The following UST variants were observed in gnomAD, a reference collection of about 807,000 sequenced individuals.
The protein encoded by UST is uronyl 2-sulfotransferase, also known as chondroitin sulfate 2-O-sulfotransferase.
In UST, 21 loss-of-function variants were observed where a neutral mutation model predicts 45.6. The observed-to-expected ratio is 0.46, with a 90% confidence interval of 0.33 to 0.66. The LOEUF is 0.66. UST is among the 30% of genes least tolerant of loss of function. The pLI, the probability that UST is intolerant of heterozygous loss-of-function variation, is 0.02. For synonymous variants in UST, 215 were observed against 200.6 expected (o/e 1.07, Z -0.61); for missense variants, 463 against 512.4 (o/e 0.90, Z 0.93).
intron 2 of UST, among the ~76,000 whole-genome samples, chr6:148,926,067 C>T (rs985058006): frequency 3.3e-5 from 5 of 152,280 alleles, no homozygotes; most frequent in African/African-American, 2.4e-5. Context: ...TTATAAACTA[C>T]CCCCAGAAAT....
chr6:149,040,717 C>T (rs1456013149), intron 7 of UST, among the ~76,000 whole-genome samples: 1 of 152,116 alleles, frequency 6.6e-6, no homozygotes, highest in Non-Finnish European at 1.5e-5. Context: ...CAGTGAAAGA[C>T]CTGCGATTCA....
chr6:148,849,114 C>T (rs947252426), intron 1 of UST, among the ~76,000 whole-genome samples: 6 of 152,234 alleles, frequency 3.9e-5, no homozygotes, highest in African/African-American at 1.2e-4. Context: ...GGTGCCTGCT[C>T]TTGTTGAGGG....
chr6:149,025,856 C>T (rs964091296), intron 7 of UST, among the ~76,000 whole-genome samples: 4 of 145,962 alleles, frequency 2.7e-5, no homozygotes, highest in Non-Finnish European at 6.1e-5. Context: ...ACTAAAAATA[C>T]AAAAAAAAAA....
At chr6:148,796,686 A>G (rs2114710669) in intron 1 of UST, among the ~76,000 whole-genome samples, 1 of 151,416 alleles carries the variant, frequency 6.6e-6, no homozygotes, top group Non-Finnish European at 1.5e-5. Context: ...TGAAGTGAAA[A>G]ACTGATACCC....
At chr6:149,000,387 G>A (rs768747376) in intron 5 of UST, among the ~76,000 whole-genome samples, 5 of 152,138 alleles carry the variant, frequency 3.3e-5, no homozygotes, top group Non-Finnish European at 7.4e-5. Context: ...CTGGACTCAG[G>A]ACCCGGGAGT....
chr6:149,021,104 A>G (rs1775971237), intron 6 of UST, among the ~76,000 whole-genome samples: 1 of 152,098 alleles, frequency 6.6e-6, no homozygotes, highest in South Asian at 2.1e-4. Context: ...GGCATGAAGC[A>G]TGGATGAAAG....
Position 149,017,799 on chromosome 6 carries a change from T to TACACACAC in UST, c.682-1308_682-1301dup, listed in dbSNP as rs10533222. 3.1e-3 allele frequency among the ~76,000 whole-genome samples: 464 copies of TACACACAC among 148,906 alleles called. 1 individual carries two copies. The highest frequency in any genetic ancestry group is 4.3e-3 in the Non-Finnish European group (286 of 67,100). ...CATTGCAGCAATGAATATCCATATA[T>TACACACAC]ACACACACACACACACACACACACA... On this transcript the variant is annotated intron_variant, in intron 5 of 7. Transcript: ENST00000367463.
In UST at chr6:148,788,957, T is replaced by C. The variant is rs117204981; in HGVS notation, c.247+41280T>C. On this transcript the variant is annotated intron_variant, in intron 1 of 7. Transcript: ENST00000367463. Reference sequence around the variant, plus strand: ...ATATTATTCAGGTCTTGTTTTGTGGTATTTATGTTGTAAATAATACATCCA... The same window carrying C: ...ATATTATTCAGGTCTTGTTTTGTGGCATTTATGTTGTAAATAATACATCCA... 4.9e-3 allele frequency among the ~76,000 whole-genome samples: 745 copies of C among 152,360 alleles called. 6 individuals are homozygous for C. The highest frequency in any genetic ancestry group is 8.5e-3 in the Non-Finnish European group (577 of 68,042).
chr6:148,855,025 A>G (rs111301360), intron 1 of UST, among the ~76,000 whole-genome samples: 15,640 of 152,086 alleles, frequency 0.1, 898 homozygotes, highest in Admixed American at 0.17. Flanking sequence ...GTCACGTCTT[A>G]AGTGGATGCC....
intron 1 of UST, among the ~76,000 whole-genome samples, chr6:148,781,019 A>G (rs1474446117): frequency 6.6e-6 from 1 of 152,144 alleles, no homozygotes; most frequent in Admixed American, 6.5e-5. Context: ...GAGACACAAC[A>G]ATATTGAAAT....
chr6:149,008,887 A>G (rs1373334106), intron 5 of UST, among the ~76,000 whole-genome samples: 1 of 152,194 alleles, frequency 6.6e-6, no homozygotes, highest in Non-Finnish European at 1.5e-5. Flanking sequence ...GGTGCAGCCC[A>G]CTGGTTATAA....
At chr6:148,774,394 A>G (rs1216987396) in intron 1 of UST, among the ~76,000 whole-genome samples, 1 of 151,840 alleles carries the variant, frequency 6.6e-6, no homozygotes. Context: ...TTTGATTTTA[A>G]TTATTTGTGA....
intron 1 of UST, among the ~76,000 whole-genome samples, chr6:148,778,184 T>C (rs1776570338): frequency 1.3e-5 from 2 of 152,214 alleles, no homozygotes; most frequent in South Asian, 4.1e-4. Context: ...ACCTTCACCT[T>C]AGCTATAAGA....
At chr6:148,990,854 G>A (rs1781336365) in intron 5 of UST, among the ~76,000 whole-genome samples, 1 of 152,174 alleles carries the variant, frequency 6.6e-6, no homozygotes, top group South Asian at 2.1e-4. Context: ...AGTGGAAAGA[G>A]CAGTGTTCCA....
chr6:149,059,925 C>T (rs1361013496), intron 7 of UST, among the ~76,000 whole-genome samples: 12 of 152,080 alleles, frequency 7.9e-5, no homozygotes, highest in Non-Finnish European at 1.5e-4. Flanking sequence ...GGCTGATTTC[C>T]ATTCCACAGG....
At chr6:148,781,458 A>G (rs1166818293) in intron 1 of UST, among the ~76,000 whole-genome samples, 1 of 152,226 alleles carries the variant, frequency 6.6e-6, no homozygotes, top group Non-Finnish European at 1.5e-5. Flanking sequence ...GTTGGAAGCT[A>G]CCAGAGGTTG....
chr6:148,922,695 G>A lies in UST; in HGVS notation c.292-18584G>A, dbSNP rs1450390061. ...TCACTGTGTTAGCCAGGATGGTCTT[G>A]ATCTCCTGACCTCGTGATCCGCCCG... On this transcript the variant is annotated intron_variant, in intron 2 of 7. Coordinates refer to ENST00000367463, the MANE Select transcript of UST (RefSeq NM_005715.3). 7.9e-5 allele frequency among the ~76,000 whole-genome samples: 12 copies of A among 151,330 alleles called. No homozygotes were observed. The South Asian group carries it at 2.1e-3, about 26-fold the overall frequency.
At chr6:148,921,924 A>C (rs925161877) in intron 2 of UST, among the ~76,000 whole-genome samples, 1 of 151,846 alleles carries the variant, frequency 6.6e-6, no homozygotes, top group African/African-American at 2.4e-5. Flanking sequence ...TCCAGTCCCC[A>C]CCCTCTCCTC....
At chr6:149,046,501 T>C (rs1300987800) in intron 7 of UST, among the ~76,000 whole-genome samples, 1 of 152,248 alleles carries the variant, frequency 6.6e-6, no homozygotes, top group Non-Finnish European at 1.5e-5. Flanking sequence ...AATGGTATAG[T>C]ACATAGGTCA....
Sources: allele counts gnomAD v4.1 joint callset (sites outside exome capture counted in the v4.1 genomes callset), GRCh38; gene constraint gnomAD v4.1.1; transcripts MANE v1.5; gene names NCBI Gene and HGNC (gene_info 2026-07-23, HGNC 2026-07-21).